Variants in SLC17A4 observed in about 807,000 individuals in gnomAD.
SLC17A4 encodes the protein solute carrier family 17 member 4, also known as probable small intestine urate exporter.
A neutral mutation model predicts 52.5 loss-of-function variants in SLC17A4; 33 were observed. The observed-to-expected ratio is 0.63, with a 90% confidence interval of 0.48 to 0.84. The LOEUF is 0.84. Ranked by LOEUF, SLC17A4 falls within the 40% of genes least tolerant of loss-of-function variation. SLC17A4 has a pLI of 0.00. For synonymous variants in SLC17A4, 225 were observed against 216.2 expected, an observed-to-expected ratio of 1.04 and a Z score of -0.36; for missense variants, 585 against 597.1, an observed-to-expected ratio of 0.98 and a Z score of 0.21.
chr6:25,770,803 G>A, intron 5 of SLC17A4, 123 bp from the exon 6 acceptor site: 1 of 754,672 alleles, frequency 1.3e-6, no homozygotes, highest in East Asian at 2.5e-5. Context: ...CCAAGTGAAG[G>A]AACCTAGATA....
At chr6:25,755,761 T>C (rs1760962933) in intron 1 of SLC17A4, among the ~76,000 whole-genome samples, 2 of 152,170 alleles carry the variant, frequency 1.3e-5, no homozygotes, top group African/African-American at 4.8e-5. Flanking sequence ...CCCTTCTGGG[T>C]CTAACAGGAG....
intron 2 of SLC17A4, 80 bp downstream of exon 2, chr6:25,762,133 G>C: frequency 8.0e-7 from 1 of 1,242,850 alleles, no homozygotes; most frequent in Non-Finnish European, 1.1e-6. Context: ...AATAAAACTA[G>C]GATCTGTGGC....
At chr6:25,770,812 T>C in intron 5 of SLC17A4, 114 bp from the exon 6 acceptor site, 1 of 797,756 alleles carries the variant, frequency 1.3e-6, no homozygotes, top group South Asian at 1.5e-5. Flanking sequence ...GGAACCTAGA[T>C]AGTTTGGCTT....
At position 25,761,915 on chromosome 6, in the gene SLC17A4, T is replaced by G; in HGVS notation, c.-36-12T>G. 6.7e-7 allele frequency: 1 copy of G among 1,486,986 alleles called. No individual in the cohort carries two copies. The highest frequency in any genetic ancestry group is 9.3e-7 in the Non-Finnish European group (1 of 1,072,508). 92.1% of individuals were successfully genotyped at this position (1,486,986 alleles called of 1,614,324 possible). On this transcript the variant is annotated splice_polypyrimidine_tract_variant and intron_variant, in intron 1 of 11. Coordinates refer to ENST00000377905, the MANE Select transcript of SLC17A4 (RefSeq NM_005495.3). ...TCTCCCTGTATTTTCTTTTGTATTC[T>G]TTTTATTTCAGTAAGTAAATGCCAG...
chr6:25,777,603 C>A (rs190074839), intron 10 of SLC17A4: 16 of 207,418 alleles, frequency 7.7e-5, no homozygotes, highest in African/African-American at 4.1e-4. Context: ...ACAACAACAA[C>A]AACAAAAACC....
chr6:25,773,365 G>A lies in SLC17A4; in HGVS notation c.797G>A (p.Arg266Lys). 1 of 1,613,930 alleles carries A rather than the reference G, an allele frequency of 6.2e-7. No individual in the cohort carries two copies. Among genetic ancestry groups the A allele is most frequent in the Non-Finnish European group, 8.5e-7 (1 of 1,179,866 alleles). Residue 266 changes from arginine to lysine, a missense_variant, in exon 7 of 12, where the codon AGA becomes AAA. Coordinates refer to ENST00000377905, the MANE Select transcript of SLC17A4 (RefSeq NM_005495.3). ...CCCTTTATCAGTGCTGGTGAGAAGA[G>A]ATACATTGTGTGTTCATTGGCTCAG... ...NHPFISAGEK[R>K]YIVCSLAQQD...
intron 2 of SLC17A4, chr6:25,768,474 C>A (rs1762203456): frequency 1.4e-6 from 1 of 694,392 alleles, no homozygotes; most frequent in Non-Finnish European, 1.8e-6. Context: ...AGTTTAAATA[C>A]TTCTATGATC....
intron 5 of SLC17A4, 128 bp downstream of exon 5, chr6:25,770,599 C>T: frequency 1.2e-6 from 1 of 821,404 alleles, no homozygotes; most frequent in South Asian, 1.5e-5. Flanking sequence ...AAGCACTACC[C>T]CATACTGCCT....
intron 1 of SLC17A4, among the ~76,000 whole-genome samples, chr6:25,755,559 GC>G (rs869231362): frequency 3.1e-5 from 4 of 129,524 alleles, no homozygotes; most frequent in Admixed American, 7.5e-5. Flanking sequence ...ACAGACACAA[GC>G]AGTCTTGGCA....
intron 1 of SLC17A4, among the ~76,000 whole-genome samples, chr6:25,759,592 G>A (rs1373348447): frequency 6.6e-6 from 1 of 152,108 alleles, no homozygotes; most frequent in Non-Finnish European, 1.5e-5. Context: ...AGTTTGTTTT[G>A]TCTGATGTAA....
chr6:25,770,915 C>T lies in SLC17A4; in HGVS notation c.620-11C>T. The T allele has an allele frequency of 6.2e-7, 1 of 1,609,980 alleles. No individual in the cohort carries two copies. Among genetic ancestry groups the T allele is most frequent in the Non-Finnish European group, 8.5e-7 (1 of 1,176,242 alleles). ...CCTCTCACCCAGAACATCCTCGCCT[C>T]TTCTGTTCAGGGTCAATGCTGGGGT... On this transcript the variant is annotated splice_polypyrimidine_tract_variant and intron_variant, in intron 5 of 11. Coordinates refer to ENST00000377905, the MANE Select transcript of SLC17A4 (RefSeq NM_005495.3).
intron 1 of SLC17A4, among the ~76,000 whole-genome samples, chr6:25,758,952 T>C (rs982256878): frequency 6.6e-6 from 1 of 152,212 alleles, no homozygotes; most frequent in Non-Finnish European, 1.5e-5. Flanking sequence ...AACTTTCCTC[T>C]TAGCACCGCT....
chr6:25,763,293 T>C (rs1761709641), intron 2 of SLC17A4, among the ~76,000 whole-genome samples: 1 of 152,200 alleles, frequency 6.6e-6, no homozygotes, highest in South Asian at 2.1e-4. Flanking sequence ...AACAGCATCA[T>C]GCTACTAACA....
chr6:25,779,973 C>T lies in SLC17A4; in HGVS notation c.*785C>T, dbSNP rs1763220704. The T allele has an allele frequency of 6.6e-6, 1 of 152,166 alleles. No homozygotes were observed. The highest frequency in any genetic ancestry group is 6.6e-5 in the Admixed American group (1 of 15,264). The allele number at this position is 152,166 out of a possible 1,614,324, so 9.4% of individuals were successfully genotyped here. A position where few individuals can be genotyped will look rare whatever the true frequency, so the allele number is the denominator to read the frequency against. ...CCCATGATATCTGCCTTCGTTTGCC[C>T]CTCTGACTGTTGGAATCCCACGCAC... On this transcript the variant is annotated 3_prime_UTR_variant, in exon 12 of 12. Transcript: ENST00000377905.
At chr6:25,759,232 G>A (rs1378462227) in intron 1 of SLC17A4, among the ~76,000 whole-genome samples, 52 of 147,768 alleles carry the variant, frequency 3.5e-4, no homozygotes, top group African/African-American at 7.5e-4. Flanking sequence ...GGTCTGTCTT[G>A]GAGAATGTCC....
chr6:25,759,815 T>C (rs1253122504), intron 1 of SLC17A4, among the ~76,000 whole-genome samples: 5 of 152,262 alleles, frequency 3.3e-5, no homozygotes, highest in African/African-American at 9.6e-5. Context: ...GTTGTTTACC[T>C]GTCTTTTAAA....
At chr6:25,774,735 T>C (rs1288977677) in intron 8 of SLC17A4, among the ~76,000 whole-genome samples, 1 of 151,858 alleles carries the variant, frequency 6.6e-6, no homozygotes, top group Non-Finnish European at 1.5e-5. Context: ...AAGAGGAAAA[T>C]GGGAAAATGA....
At chr6:25,768,891 C>A in intron 2 of SLC17A4, 94 bp from the exon 3 acceptor site, 1 of 1,167,436 alleles carries the variant, frequency 8.6e-7, no homozygotes. Context: ...ATTTCTGCAT[C>A]TCAGACAGAT....
chr6:25,771,162 A>G (rs1762449199), intron 6 of SLC17A4, 150 bp downstream of exon 6: 1 of 669,002 alleles, frequency 1.5e-6, no homozygotes, highest in Non-Finnish European at 2.7e-6. Flanking sequence ...TTTAAGTTTC[A>G]GCAGCCCGAG....
Sources: allele counts gnomAD v4.1 joint callset (sites outside exome capture counted in the v4.1 genomes callset), GRCh38; gene constraint gnomAD v4.1.1; transcripts MANE v1.5; gene names NCBI Gene and HGNC (gene_info 2026-07-23, HGNC 2026-07-21).